Variants in TET3 observed in about 807,000 individuals in gnomAD.
TET3 encodes the protein tet methylcytosine dioxygenase 3, also known as methylcytosine dioxygenase TET3.
TET3 carries 19 observed loss-of-function variants against 141.4 expected under a neutral mutation model. The observed-to-expected ratio is 0.13, with a 90% CI of 0.09 to 0.20. TET3 has a LOEUF of 0.20. Ranked by LOEUF, TET3 falls within the 10% of genes least tolerant of loss-of-function variation. The probability of loss-of-function intolerance (pLI) is 1.00; values close to 1 mark genes in which losing one functional copy is unlikely to be tolerated. For synonymous variants in TET3, 1,043 were observed against 980.9 expected (o/e 1.06, Z -1.18); for missense variants, 1,874 against 2,356.9 (o/e 0.80, Z 4.24).
chr2:73,995,046 T>C (rs1250701821), intron 2 of TET3, among the ~76,000 whole-genome samples: 2 of 152,206 alleles, frequency 1.3e-5, no homozygotes, highest in Non-Finnish European at 2.9e-5. Flanking sequence ...CTGCAACCTC[T>C]GCCTCATGGT....
At chr2:74,116,538 G>A in the TET3 span, among the ~76,000 whole-genome samples, 114 of 152,062 alleles carry the variant, frequency 7.5e-4, no homozygotes, top group African/African-American at 2.5e-3. Context: ...AATTAGCTGG[G>A]TGTGGTGGTG....
the TET3 span, chr2:74,134,618 T>A: frequency 2.2e-6 from 1 of 448,436 alleles, no homozygotes; most frequent in African/African-American, 2.0e-5. Context: ...ACTGCCATGG[T>A]AACATGGGTG....
At chr2:74,019,951 C>G (rs2105236359) in intron 3 of TET3, among the ~76,000 whole-genome samples, 1 of 152,300 alleles carries the variant, frequency 6.6e-6, no homozygotes, top group African/African-American at 2.4e-5. Context: ...GTAGCACAAA[C>G]AAACTTATCT....
intron 5 of TET3, among the ~76,000 whole-genome samples, chr2:74,076,441 G>GTTTTTTTTTT (rs70965785): frequency 1.9e-4 from 11 of 56,584 alleles, no homozygotes; most frequent in East Asian, 7.5e-4. Flanking sequence ...ATTCCTCTGG[G>GTTTTTTTTTT]TTTTTTTTTT....
At chr2:74,015,510 G>A (rs571143810) in intron 3 of TET3, among the ~76,000 whole-genome samples, 1 of 152,206 alleles carries the variant, frequency 6.6e-6, no homozygotes, top group Non-Finnish European at 1.5e-5. Flanking sequence ...TTTTTGAGTA[G>A]TCTTTTATTC....
chr2:74,127,133 T>C, the TET3 span, among the ~76,000 whole-genome samples: 28 of 152,332 alleles, frequency 1.8e-4, no homozygotes, highest in East Asian at 5.0e-3. Context: ...ACATTCATTA[T>C]TGGCTCATCT....
intron 2 of TET3, among the ~76,000 whole-genome samples, chr2:73,992,023 T>C (rs1684352382): frequency 1.3e-5 from 2 of 151,954 alleles, no homozygotes; most frequent in Admixed American, 1.3e-4. Flanking sequence ...TCTGAGCCCC[T>C]AAGAGGAGCA....
intron 3 of TET3, among the ~76,000 whole-genome samples, chr2:74,011,892 AAAG>A (rs1162999444): frequency 6.6e-6 from 1 of 151,770 alleles, no homozygotes; most frequent in African/African-American, 2.4e-5. Flanking sequence ...GAAAAAAAAA[AAAG>A]AAAGGGAGCA....
At chr2:74,022,581 T>C (rs1446073488) in intron 3 of TET3, among the ~76,000 whole-genome samples, 1 of 152,010 alleles carries the variant, frequency 6.6e-6, no homozygotes, top group Non-Finnish European at 1.5e-5. Context: ...TATTTTTTTT[T>C]CTTTTGGTTG....
downstream of TET3, among the ~76,000 whole-genome samples, chr2:74,112,978 G>C (rs1691737935): frequency 7.9e-6 from 1 of 126,964 alleles, no homozygotes; most frequent in Admixed American, 9.7e-5. Flanking sequence ...CTGCACTCCA[G>C]CCTGGGCTAC....
intron 4 of TET3, among the ~76,000 whole-genome samples, chr2:74,066,777 A>T (rs1688928964): frequency 6.6e-6 from 1 of 152,144 alleles, no homozygotes; most frequent in African/African-American, 2.4e-5. Flanking sequence ...AGCTATTGGG[A>T]TGGAGTTGCT....
At chr2:73,994,907 G>A (rs575777969) in intron 2 of TET3, among the ~76,000 whole-genome samples, 1 of 151,796 alleles carries the variant, frequency 6.6e-6, no homozygotes, top group Non-Finnish European at 1.5e-5. Flanking sequence ...AAAGCACTGG[G>A]ATTACAGGCA....
At chr2:74,117,801 A>T in the TET3 span, among the ~76,000 whole-genome samples, 3 of 152,156 alleles carry the variant, frequency 2.0e-5, no homozygotes, top group Non-Finnish European at 4.4e-5. Flanking sequence ...GCTGGAACGC[A>T]ATGACACAAT....
chr2:74,015,266 A>G (rs1206643735), intron 3 of TET3, among the ~76,000 whole-genome samples: 1 of 152,226 alleles, frequency 6.6e-6, no homozygotes, highest in East Asian at 1.9e-4. Flanking sequence ...CCAAGAAACC[A>G]ATGGTAGCGG....
chr2:74,004,605 G>A (rs928417927), intron 3 of TET3, among the ~76,000 whole-genome samples: 7 of 152,172 alleles, frequency 4.6e-5, no homozygotes, highest in African/African-American at 1.4e-4. Context: ...CGGCTTCCCC[G>A]TCTAGCGGGT....
rs1331933014 is a variant in TET3, at chr2:73,986,537, G to A, written c.134G>A (p.Arg45Gln). Residue 45 changes from arginine (R) to glutamine (Q), a missense_variant, in exon 2 of 12, where the codon CGA (arginine) becomes CAA (glutamine). Arg to Gln is a conservative substitution (Grantham distance 43, BLOSUM62 1). Around this residue, in one of 10 missense-constraint regions of TET3, gnomAD observed 366 missense variants for 487.0 expected, o/e 0.75. Coordinates refer to ENST00000409262, the MANE Select transcript of TET3 (RefSeq NM_001287491.2). The stretch of plus-strand genomic sequence containing the variant: ...ATGGCTGGGAGTGAGTCCCAACTCC[G>A]AGGGGGTGGAGATGGTCGAAAGAAA... The part of the protein sequence containing the change: ...LSMAGSESQL[R>Q]GGGDGRKKRK... 24 of 1,232,072 alleles carry A rather than the reference G, an allele frequency of 1.9e-5. No homozygotes were observed. In the South Asian group the frequency reaches 9.0e-4, roughly 46 times the overall value. The allele number at this position is 1,232,072 out of a possible 1,614,324, so 76.3% of individuals were successfully genotyped here. A position where few individuals can be genotyped will look rare whatever the true frequency, so the allele number is the denominator to read the frequency against.
chr2:74,058,062 G>A (rs1166787319), intron 4 of TET3, among the ~76,000 whole-genome samples: 1 of 152,144 alleles, frequency 6.6e-6, no homozygotes, highest in Non-Finnish European at 1.5e-5. Context: ...GAGGTGCTAA[G>A]TTATAAAGAA....
chr2:74,119,811 T>C, the TET3 span, among the ~76,000 whole-genome samples: 3 of 152,212 alleles, frequency 2.0e-5, no homozygotes, highest in Non-Finnish European at 4.4e-5. Flanking sequence ...TCTACTGTTT[T>C]GAAAAAGCAT....
At chr2:73,985,508 G>C (rs1683974169) in intron 1 of TET3, among the ~76,000 whole-genome samples, 1 of 145,696 alleles carries the variant, frequency 6.9e-6, no homozygotes, top group Admixed American at 6.8e-5. Flanking sequence ...GGCGGGCTGC[G>C]CTCCGGCGGC....
Sources: gnomAD v4.1 joint callset for allele counts (sites outside exome capture counted in the v4.1 genomes callset) on GRCh38, gnomAD v4.1.1 for gene constraint, gnomAD v4.1.1 regional missense constraint, MANE v1.5 for transcripts, NCBI Gene and HGNC (gene_info 2026-07-23, HGNC 2026-07-21) for gene names.